QRFPR: variants seen among roughly 807,000 people sequenced by gnomAD.
QRFPR encodes the protein pyroglutamylated RFamide peptide receptor.
In QRFPR, 37 loss-of-function variants were observed where a neutral mutation model predicts 31.3. That is an observed-to-expected ratio of 1.18 (90% CI 0.91 to 1.56). The LOEUF (loss-of-function observed/expected upper bound fraction) is 1.56, where lower values mean the gene tolerates loss of function less well. Among genes scored for constraint, QRFPR ranks in the 40% most tolerant of loss-of-function variants. The pLI, the probability that QRFPR is intolerant of heterozygous loss-of-function variation, is 0.00. For synonymous variants in QRFPR, 197 were observed against 192.0 expected, an observed-to-expected ratio of 1.03 and a Z score of -0.22; for missense variants, 542 against 532.5, an observed-to-expected ratio of 1.02 and a Z score of -0.18.
At chr4:121,341,484 A>G (rs1325224959) in intron 1 of QRFPR, among the ~76,000 whole-genome samples, 1 of 152,218 alleles carries the variant, frequency 6.6e-6, no homozygotes, top group African/African-American at 2.4e-5. Flanking sequence ...CTGCTTAAAT[A>G]CAGGTTGAAC....
chr4:121,375,383 C>T (rs566055805), intron 1 of QRFPR, among the ~76,000 whole-genome samples: 15 of 152,270 alleles, frequency 9.9e-5, no homozygotes, highest in African/African-American at 3.4e-4. Flanking sequence ...GCTTCCTCCC[C>T]CTTCTTAGTC....
chr4:121,379,439 G>A (rs1726425068), intron 1 of QRFPR, among the ~76,000 whole-genome samples: 1 of 152,174 alleles, frequency 6.6e-6, no homozygotes, highest in Non-Finnish European at 1.5e-5. Flanking sequence ...TGAAAAAGGG[G>A]AGGCCCATGG....
In QRFPR at chr4:121,329,001, G is replaced by T. The variant is rs185593423; in HGVS notation, c.*313C>A. ...GATCTCCTGACCTCGTGATCCGCCC[G>T]TCTAGGCCTCCCAAAGTGCTGGGAT... On this transcript the variant is annotated 3_prime_UTR_variant, in exon 6 of 6. Transcript: ENST00000394427. 2.0e-4 allele frequency: 37 copies of T among 188,416 alleles called. No homozygotes were observed. In the South Asian group the frequency reaches 3.8e-3, roughly 19 times the overall value. The allele number at this position is 188,416 out of a possible 1,614,324, so 11.7% of individuals were successfully genotyped here. A position where few individuals can be genotyped will look rare whatever the true frequency, so the allele number is the denominator to read the frequency against.
chr4:121,371,252 G>T (rs1046350563), intron 1 of QRFPR, among the ~76,000 whole-genome samples: 4 of 152,146 alleles, frequency 2.6e-5, no homozygotes, highest in Middle Eastern at 3.2e-3. Context: ...ATTTAGTTTT[G>T]CAAAGACAGA....
At position 121,331,615 on chromosome 4, in the gene QRFPR, A is replaced by G. The variant is rs28703893; in HGVS notation, c.798-1092T>C. Among the ~76,000 whole-genome samples, 947 of 137,576 alleles carry G rather than the reference A, an allele frequency of 6.9e-3. 9 individuals carry two copies. Among genetic ancestry groups the G allele is most frequent in the African/African-American group, 0.024 (896 of 38,096 alleles). The allele number at this position is 137,576 out of a possible 152,430, so 90.3% of individuals were successfully genotyped here. On this transcript the variant is annotated intron_variant, in intron 4 of 5. Coordinates refer to ENST00000394427, the MANE Select transcript of QRFPR (RefSeq NM_198179.3). Reference sequence around the variant, plus strand: ...TTTAAGTTTATAAAAACTCATACTCATTATCTCATTATTATTATTATTATT... The same window carrying G: ...TTTAAGTTTATAAAAACTCATACTCGTTATCTCATTATTATTATTATTATT...
At chr4:121,356,925 G>A (rs1382186117) in intron 1 of QRFPR, among the ~76,000 whole-genome samples, 2 of 151,904 alleles carry the variant, frequency 1.3e-5, no homozygotes, top group Admixed American at 6.6e-5. Flanking sequence ...GGCTGAGAGG[G>A]GGTCTATTCT....
At chr4:121,341,010 T>G (rs975154164) in intron 1 of QRFPR, among the ~76,000 whole-genome samples, 10 of 152,184 alleles carry the variant, frequency 6.6e-5, no homozygotes, top group African/African-American at 2.4e-4. Flanking sequence ...CAACAAAGAA[T>G]AGTTCTCATC....
chr4:121,380,725 G>C lies in QRFPR; in HGVS notation c.-78C>G. 7.4e-7 allele frequency: 1 copy of C among 1,353,808 alleles called. No individual in the cohort carries two copies. The allele number at this position is 1,353,808 out of a possible 1,614,324, so 83.9% of individuals were successfully genotyped here. On this transcript the variant is annotated 5_prime_UTR_variant, in exon 1 of 6. Transcript: ENST00000394427. The stretch of plus-strand genomic sequence containing the variant: ...GCATCTGCGGGGCAGCGAGGGCTTC[G>C]GGGGACCAGCCGGAGGCCGCCTCCC...
chr4:121,356,399 A>G (rs757626432), intron 1 of QRFPR, among the ~76,000 whole-genome samples: 1 of 151,992 alleles, frequency 6.6e-6, no homozygotes, highest in Non-Finnish European at 1.5e-5. Context: ...AATCTCTGTC[A>G]CTCCAGGACT....
intron 1 of QRFPR, among the ~76,000 whole-genome samples, chr4:121,355,176 T>C (rs1291827079): frequency 6.6e-6 from 1 of 152,154 alleles, no homozygotes; most frequent in East Asian, 1.9e-4. Flanking sequence ...TTTGGTAGAA[T>C]TCAGCAGTAA....
chr4:121,338,146 T>C (rs1444732077), intron 2 of QRFPR, among the ~76,000 whole-genome samples: 1 of 152,230 alleles, frequency 6.6e-6, no homozygotes, highest in Non-Finnish European at 1.5e-5. Flanking sequence ...TGTCTGGCTG[T>C]CTCTATTTCT....
At chr4:121,359,436 C>T (rs1490527075) in intron 1 of QRFPR, among the ~76,000 whole-genome samples, 1 of 152,054 alleles carries the variant, frequency 6.6e-6, no homozygotes, top group African/African-American at 2.4e-5. Context: ...GCAGAAAAAA[C>T]TTGAAAAGGC....
chr4:121,373,070 T>C (rs1726282902), intron 1 of QRFPR, among the ~76,000 whole-genome samples: 1 of 152,166 alleles, frequency 6.6e-6, no homozygotes. Flanking sequence ...CTTTTTTTTC[T>C]TAAGGTAATT....
Position 121,328,697 on chromosome 4 carries a change from T to C in QRFPR, c.*617A>G, listed in dbSNP as rs1431341746. Among the ~76,000 whole-genome samples the C allele has an allele frequency of 6.6e-6, 1 of 152,236 alleles. No individual in the cohort carries two copies. The highest frequency in any genetic ancestry group is 2.4e-5 in the African/African-American group (1 of 41,466). On this transcript the variant is annotated 3_prime_UTR_variant, in exon 6 of 6. Coordinates refer to ENST00000394427, the MANE Select transcript of QRFPR (RefSeq NM_198179.3). ...ACTGCTAGCTAAGAACCCTGATTTC[T>C]GTACAAGATTTTTAAAAATCCACTG...
chr4:121,338,831 A>G (rs1479967486), intron 2 of QRFPR, among the ~76,000 whole-genome samples: 1 of 152,172 alleles, frequency 6.6e-6, no homozygotes, highest in Non-Finnish European at 1.5e-5. Context: ...TTGACTGCCT[A>G]TTATCAACTA....
chr4:121,365,068 T>C lies in QRFPR; in HGVS notation c.340+15240A>G, dbSNP rs1008383743. Among the ~76,000 whole-genome samples the C allele has an allele frequency of 2.8e-4, 42 of 149,794 alleles. 1 individual carries two copies. The highest frequency in any genetic ancestry group is 1.0e-3 in the African/African-American group (41 of 40,428). ...TTTAAATTTAAAAGAGATCCCTCTCTTCATCATTGCTACAAAATAGCCTTC... is the reference window on the plus strand; with the variant it reads ...TTTAAATTTAAAAGAGATCCCTCTCCTCATCATTGCTACAAAATAGCCTTC... On this transcript the variant is annotated intron_variant, in intron 1 of 5. Transcript: ENST00000394427.
chr4:121,357,283 C>T (rs1292361554), intron 1 of QRFPR, among the ~76,000 whole-genome samples: 1 of 151,730 alleles, frequency 6.6e-6, no homozygotes, highest in Non-Finnish European at 1.5e-5. Context: ...ATAATGATAG[C>T]ATATTATTAA....
chr4:121,344,551 T>C (rs1228029603), intron 1 of QRFPR, among the ~76,000 whole-genome samples: 1 of 152,186 alleles, frequency 6.6e-6, no homozygotes, highest in Admixed American at 6.5e-5. Flanking sequence ...TGTCATGTAA[T>C]TTATCTAGGA....
At chr4:121,337,614 A>G (rs1725459101) in intron 2 of QRFPR, among the ~76,000 whole-genome samples, 1 of 152,156 alleles carries the variant, frequency 6.6e-6, no homozygotes. Context: ...ACCTCTTTTT[A>G]AAATCAAATG....
Sources: allele counts gnomAD v4.1 joint callset (sites outside exome capture counted in the v4.1 genomes callset), GRCh38; gene constraint gnomAD v4.1.1; transcripts MANE v1.5; gene names NCBI Gene and HGNC (gene_info 2026-07-23, HGNC 2026-07-21).